NTM: variants seen among roughly 807,000 people sequenced by gnomAD.
NTM encodes the protein neurotrimin.
In NTM, 13 loss-of-function variants were observed where a neutral mutation model predicts 42.1. That is an observed-to-expected ratio of 0.31 (90% CI 0.20 to 0.49). The LOEUF is 0.49. Ranked by LOEUF, NTM falls within the 20% of genes least tolerant of loss-of-function variation. The probability of loss-of-function intolerance (pLI) is 0.99; values close to 1 mark genes in which losing one functional copy is unlikely to be tolerated. For missense variants in NTM, 373 were observed against 452.8 expected, an observed-to-expected ratio of 0.82 and a Z score of 1.60; for synonymous variants, 187 against 179.2, an observed-to-expected ratio of 1.04 and a Z score of -0.35.
At chr11:132,141,573 A>G (rs959678727) in intron 2 of NTM, among the ~76,000 whole-genome samples, 3 of 152,164 alleles carry the variant, frequency 2.0e-5, no homozygotes, top group African/African-American at 7.2e-5. Flanking sequence ...TGCATGAGTG[A>G]GCATGTGCAC....
At chr11:131,789,897 A>C (rs992443550) in intron 1 of NTM, among the ~76,000 whole-genome samples, 9 of 135,028 alleles carry the variant, frequency 6.7e-5, no homozygotes, top group Admixed American at 5.7e-4. Flanking sequence ...CGGAGCTTGC[A>C]GTGAGCCGAG....
At chr11:131,585,219 C>T (rs770645115) in intron 1 of NTM, among the ~76,000 whole-genome samples, 10 of 152,168 alleles carry the variant, frequency 6.6e-5, no homozygotes, top group Non-Finnish European at 1.3e-4. Flanking sequence ...TTTTGGATTC[C>T]GGAGGGGTTT....
intron 3 of NTM, among the ~76,000 whole-genome samples, chr11:132,151,507 T>C (rs776620778): frequency 5.3e-5 from 8 of 152,202 alleles, no homozygotes; most frequent in Non-Finnish European, 8.8e-5. Flanking sequence ...ACAGTGCTTA[T>C]AAAAACAGGG....
At chr11:131,372,965 G>C (rs944639937) in intron 1 of NTM, among the ~76,000 whole-genome samples, 4 of 152,126 alleles carry the variant, frequency 2.6e-5, no homozygotes, top group Non-Finnish European at 1.5e-5. Flanking sequence ...CACTATCTCA[G>C]ACCTTATCAC....
rs182166607 is a variant in NTM at position 131,645,273 on chromosome 11, G to T, written c.83-266291G>T. Among the ~76,000 whole-genome samples the T allele has an allele frequency of 4.3e-3, 661 of 152,274 alleles. 3 individuals carry two copies. Among genetic ancestry groups the T allele is most frequent in the Non-Finnish European group, 6.6e-3 (452 of 68,018 alleles). ...GCCCTGCACTTGAAAATCGTATGAG[G>T]CTGCTGCTTTGTGAGGCCTTCCCAG... On this transcript the variant is annotated intron_variant, in intron 1 of 8. Transcript: ENST00000683400.
intron 1 of NTM, among the ~76,000 whole-genome samples, chr11:131,527,376 A>G (rs1258812188): frequency 6.6e-6 from 1 of 152,172 alleles, no homozygotes; most frequent in Non-Finnish European, 1.5e-5. Flanking sequence ...GCTTGGTGAC[A>G]TCTATGATCA....
intron 2 of NTM, among the ~76,000 whole-genome samples, chr11:132,030,586 A>G (rs1313831464): frequency 2.0e-5 from 3 of 152,204 alleles, no homozygotes; most frequent in Non-Finnish European, 4.4e-5. Flanking sequence ...CTCTTTGTTA[A>G]GATAATATTT....
chr11:132,317,911 A>G, intron 7 of NTM, among the ~76,000 whole-genome samples: 1 of 150,626 alleles, frequency 6.6e-6, no homozygotes, highest in Non-Finnish European at 1.5e-5. Flanking sequence ...GGAAGGGGAA[A>G]GAAAGAAAGA....
intron 1 of NTM, among the ~76,000 whole-genome samples, chr11:131,480,960 T>C (rs549379768): frequency 3.2e-4 from 49 of 152,234 alleles, no homozygotes; most frequent in South Asian, 1.2e-3. Context: ...TCCAAATTAA[T>C]GGCAATGTGC....
intron 4 of NTM, among the ~76,000 whole-genome samples, chr11:132,273,316 T>G (rs973842158): frequency 3.3e-4 from 36 of 108,170 alleles, no homozygotes; most frequent in African/African-American, 9.8e-4. Context: ...AGTGTTTTTT[T>G]TTTTTTTTTT....
rs943984127 is a variant in NTM, at chr11:132,334,948, C to T, written c.968-98C>T. 40 of 1,538,048 alleles carry T rather than the reference C, an allele frequency of 2.6e-5. No individual in the cohort carries two copies. The African/African-American group carries it at 4.5e-4, about 17-fold the overall frequency. On this transcript the variant is annotated intron_variant, in intron 8 of 8. Coordinates refer to ENST00000683400, the MANE Select transcript of NTM (RefSeq NM_001352005.2). ...ATGTGTTTCACTTAGAGGGATGACT[C>T]ACCAGGGGCAAGGCCAAATGACAGC...
intron 4 of NTM, among the ~76,000 whole-genome samples, chr11:132,244,629 C>A (rs550238895): frequency 6.6e-6 from 1 of 152,308 alleles, no homozygotes; most frequent in South Asian, 2.1e-4. Flanking sequence ...TCTTTTCAAC[C>A]TTGCTATTCT....
At chr11:131,878,181 A>T (rs886234010) in intron 1 of NTM, 2 of 152,156 alleles carry the variant, frequency 1.3e-5, no homozygotes, top group Non-Finnish European at 2.9e-5. Context: ...GGAGGGAAGA[A>T]ACCGAAGTGG....
At chr11:131,553,212 A>G (rs2054943074) in intron 1 of NTM, among the ~76,000 whole-genome samples, 1 of 152,112 alleles carries the variant, frequency 6.6e-6, no homozygotes, top group Non-Finnish European at 1.5e-5. Context: ...GCAATATTCT[A>G]TTTCTTGTCT....
At chr11:131,952,440 T>A (rs2061114345) in intron 2 of NTM, among the ~76,000 whole-genome samples, 1 of 152,236 alleles carries the variant, frequency 6.6e-6, no homozygotes, top group Non-Finnish European at 1.5e-5. Context: ...TTTATATACA[T>A]ACACATATAC....
chr11:131,868,115 G>A (rs1291439196), intron 1 of NTM, among the ~76,000 whole-genome samples: 2 of 152,108 alleles, frequency 1.3e-5, no homozygotes, highest in Non-Finnish European at 2.9e-5. Flanking sequence ...GGGAGATAAG[G>A]GTCCCCCTGT....
chr11:131,542,119 G>T (rs572030228), intron 1 of NTM, among the ~76,000 whole-genome samples: 1 of 152,264 alleles, frequency 6.6e-6, no homozygotes, highest in South Asian at 2.1e-4. Context: ...AACTAAATGG[G>T]AATGATTGTC....
At chr11:132,075,193 G>A (rs1221480627) in intron 2 of NTM, among the ~76,000 whole-genome samples, 1 of 152,122 alleles carries the variant, frequency 6.6e-6, no homozygotes, top group Admixed American at 6.5e-5. Context: ...AATGAGAGGG[G>A]AATGAGCATG....
chr11:132,003,677 T>C lies in NTM; in HGVS notation c.167+92029T>C, dbSNP rs1449848517. Among the ~76,000 whole-genome samples the C allele has an allele frequency of 1.3e-5, 2 of 152,146 alleles. No individual in the cohort carries two copies. The highest frequency in any genetic ancestry group is 6.5e-5 in the Admixed American group (1 of 15,284). Reference sequence around the variant, plus strand: ...GAAAAGGCTTTTCCTGGTAGGTCTGTCTGTAGCTCAATCACATGTCCCACA... The same window carrying C: ...GAAAAGGCTTTTCCTGGTAGGTCTGCCTGTAGCTCAATCACATGTCCCACA... On this transcript the variant is annotated intron_variant, in intron 2 of 8. Coordinates refer to ENST00000683400, the MANE Select transcript of NTM (RefSeq NM_001352005.2). This position sits in a 1 kb window ranked among gnomAD's most constrained non-coding sequence, Gnocchi z 6.0.
Sources: allele counts gnomAD v4.1 joint callset (sites outside exome capture counted in the v4.1 genomes callset), GRCh38; gene constraint gnomAD v4.1.1; non-coding constraint Gnocchi (gnomAD v3.1); transcripts MANE v1.5; gene names NCBI Gene and HGNC (gene_info 2026-07-23, HGNC 2026-07-21).